Variants in ERC2 observed in about 807,000 individuals in gnomAD.
The protein encoded by ERC2 is ELKS/RAB6-interacting/CAST family member 2.
ERC2 carries 42 observed loss-of-function variants against 114.8 expected under a neutral mutation model. That is an observed-to-expected ratio of 0.37 (90% confidence interval 0.29 to 0.47). The LOEUF (loss-of-function observed/expected upper bound fraction) is 0.47. ERC2 is among the 20% of genes least tolerant of loss of function. ERC2 has a pLI of 0.99. For synonymous variants in ERC2, 454 were observed against 425.5 expected (o/e 1.07, Z -0.82); for missense variants, 939 against 1,150.7 (o/e 0.82, Z 2.66).
At chr3:56,166,904 T>A (rs2082350412) in intron 4 of ERC2, among the ~76,000 whole-genome samples, 1 of 152,114 alleles carries the variant, frequency 6.6e-6, no homozygotes, top group East Asian at 1.9e-4. Flanking sequence ...TTAGCTTTTA[T>A]GTTTATTATT....
intron 14 of ERC2, among the ~76,000 whole-genome samples, chr3:55,736,221 AGACC>A (rs2065624841): frequency 6.6e-6 from 1 of 152,200 alleles, no homozygotes; most frequent in Non-Finnish European, 1.5e-5. Context: ...CTTGAAATCC[AGACC>A]TTTTATTGAT....
At chr3:56,391,562 A>G (rs1282896817) in intron 2 of ERC2, among the ~76,000 whole-genome samples, 1 of 152,172 alleles carries the variant, frequency 6.6e-6, no homozygotes, top group Non-Finnish European at 1.5e-5. Context: ...TGTCATGTCT[A>G]CGTTTAAGAT....
Position 56,253,084 on chromosome 3 carries a change from C to T in ERC2, c.1074+42935G>A, listed in dbSNP as rs1016468516. ...GCATGAGCCACAGCCAGATCTCCAA[C>T]TCTCACACCTGTTCCAGTGTTTTTC... is the stretch of plus-strand genomic sequence containing the variant. On this transcript the variant is annotated intron_variant, in intron 3 of 17. Coordinates refer to ENST00000288221, the MANE Select transcript of ERC2 (RefSeq NM_015576.3). Among the ~76,000 whole-genome samples the T allele has an allele frequency of 2.0e-5, 3 of 152,208 alleles. 1 individual carries two copies. Among genetic ancestry groups the T allele is most frequent in the African/African-American group, 4.8e-5 (2 of 41,458 alleles).
At chr3:56,285,032 T>C (rs57228518) in intron 3 of ERC2, among the ~76,000 whole-genome samples, 2,017 of 106,688 alleles carry the variant, frequency 0.019, 19 homozygotes, top group South Asian at 0.04. Flanking sequence ...CACACACACA[T>C]ACACACACAC....
At chr3:56,172,232 G>A (rs1376980) in intron 4 of ERC2, among the ~76,000 whole-genome samples, 70,968 of 151,768 alleles carry the variant, frequency 0.47, 16,856 homozygotes, top group East Asian at 0.7. Context: ...ATTGGCATTT[G>A]GTCCCTTCAA....
At chr3:55,668,339 C>T (rs544179157) in intron 17 of ERC2, among the ~76,000 whole-genome samples, 17 of 152,156 alleles carry the variant, frequency 1.1e-4, no homozygotes, top group Non-Finnish European at 1.6e-4. Flanking sequence ...GTTCTTCTAC[C>T]TCTGAGTTGT....
intron 17 of ERC2, among the ~76,000 whole-genome samples, chr3:55,634,882 T>A (rs1257791662): frequency 1.7e-5 from 2 of 118,896 alleles, no homozygotes; most frequent in Admixed American, 2.1e-4. Flanking sequence ...CTGTCTCACT[T>A]TATTATTTCT....
chr3:56,081,003 C>A lies in ERC2; in HGVS notation c.1474-19G>T. On this transcript the variant is annotated intron_variant, in intron 6 of 17. Coordinates refer to ENST00000288221, the MANE Select transcript of ERC2 (RefSeq NM_015576.3). The stretch of plus-strand genomic sequence containing the variant: ...CATCTACCTGAAATCAGGAAAAAGA[C>A]AGAAGGTTGTGGTTTTACAGAAAGG... 1.9e-6 allele frequency: 3 copies of A among 1,609,430 alleles called. No individual in the cohort carries two copies. Among genetic ancestry groups the A allele is most frequent in the Non-Finnish European group, 1.7e-6 (2 of 1,177,792 alleles).
chr3:55,569,861 ATT>A (rs375004734), intron 17 of ERC2, among the ~76,000 whole-genome samples: 8,536 of 125,006 alleles, frequency 0.068, 292 homozygotes, highest in South Asian at 0.14. Context: ...CTTCATTTCT[ATT>A]TTTTTTTTTT....
chr3:56,075,243 A>G (rs1488121847), intron 7 of ERC2, among the ~76,000 whole-genome samples: 2 of 152,148 alleles, frequency 1.3e-5, no homozygotes, highest in Non-Finnish European at 2.9e-5. Flanking sequence ...TGCCAATGAG[A>G]GTCAGTTGTG....
At chr3:55,766,482 G>A (rs755358446) in intron 14 of ERC2, among the ~76,000 whole-genome samples, 8 of 152,122 alleles carry the variant, frequency 5.3e-5, no homozygotes, top group Non-Finnish European at 8.8e-5. Context: ...TCCAACAACA[G>A]TATGCAAGCT....
At chr3:55,964,054 G>T (rs765062030) in intron 12 of ERC2, among the ~76,000 whole-genome samples, 1 of 152,200 alleles carries the variant, frequency 6.6e-6, no homozygotes, top group East Asian at 1.9e-4. Context: ...ATGTGTTGGC[G>T]TTTATATTAT....
intron 17 of ERC2, among the ~76,000 whole-genome samples, chr3:55,619,531 G>A (rs1406644245): frequency 6.6e-6 from 1 of 152,150 alleles, no homozygotes; most frequent in East Asian, 1.9e-4. Context: ...CCAGATTTGA[G>A]AGATGCAAGG....
At chr3:56,423,400 C>T (rs2061455345) in intron 2 of ERC2, among the ~76,000 whole-genome samples, 1 of 152,222 alleles carries the variant, frequency 6.6e-6, no homozygotes, top group African/African-American at 2.4e-5. Flanking sequence ...TAGCAGCACC[C>T]CTGCTCTCTA....
At chr3:56,434,310 G>T in intron 2 of ERC2, 41 bp downstream of exon 2, 1 of 1,582,684 alleles carries the variant, frequency 6.3e-7, no homozygotes. Flanking sequence ...TACTCAGTGA[G>T]AAGCCAAGGC....
chr3:55,883,593 T>C (rs1208460653), intron 14 of ERC2, among the ~76,000 whole-genome samples: 3 of 150,934 alleles, frequency 2.0e-5, no homozygotes, highest in Non-Finnish European at 4.4e-5. Flanking sequence ...ACTGGATAAA[T>C]TGGAATAATG....
chr3:55,802,186 T>C (rs773825179), intron 14 of ERC2, among the ~76,000 whole-genome samples: 4 of 152,268 alleles, frequency 2.6e-5, no homozygotes, highest in Non-Finnish European at 5.9e-5. Flanking sequence ...ATTACAAATT[T>C]ATAGATACAA....
At chr3:55,551,197 T>C (rs187331917) in intron 17 of ERC2, among the ~76,000 whole-genome samples, 1 of 151,694 alleles carries the variant, frequency 6.6e-6, no homozygotes, top group Admixed American at 6.6e-5. Context: ...TACACACACA[T>C]ATATATATTA....
At chr3:55,771,832 C>T (rs2068228852) in intron 14 of ERC2, among the ~76,000 whole-genome samples, 1 of 152,222 alleles carries the variant, frequency 6.6e-6, no homozygotes, top group African/African-American at 2.4e-5. Flanking sequence ...TGGGAAATAA[C>T]CTTTGCACAG....
Sources: gnomAD v4.1 joint callset for allele counts (sites outside exome capture counted in the v4.1 genomes callset) on GRCh38, gnomAD v4.1.1 for gene constraint, MANE v1.5 for transcripts, NCBI Gene and HGNC (gene_info 2026-07-23, HGNC 2026-07-21) for gene names.